The following SPTBN4 variants were observed in gnomAD, a reference collection of about 807,000 sequenced individuals.
The protein encoded by SPTBN4 is spectrin beta, non-erythrocytic 4.
Under a neutral mutation model 277.8 loss-of-function variants are expected in SPTBN4, and 96 were observed. The observed-to-expected ratio is 0.35, with a 90% CI of 0.29 to 0.41. The LOEUF (loss-of-function observed/expected upper bound fraction) is 0.41, where lower values mean the gene tolerates loss of function less well. SPTBN4 is among the 10% of genes least tolerant of loss of function. SPTBN4 has a pLI of 1.00. For synonymous variants in SPTBN4, 1,481 were observed against 1,580.3 expected (o/e 0.94, Z 1.49); for missense variants, 3,006 against 3,595.7 (o/e 0.84, Z 4.19).
At chr19:40,500,112 G>A (rs1441802394) in intron 7 of SPTBN4, among the ~76,000 whole-genome samples, 2 of 105,922 alleles carry the variant, frequency 1.9e-5, no homozygotes, top group East Asian at 2.3e-4. Context: ...AGGAGGCCAA[G>A]GCAGGAGGAT....
At chr19:40,529,278 G>C in intron 18 of SPTBN4, 147 bp downstream of exon 18, 1 of 708,402 alleles carries the variant, frequency 1.4e-6, no homozygotes. Flanking sequence ...GCGCGGAGCC[G>C]GGTCTCAGTG....
In SPTBN4 at chr19:40,560,209, T is replaced by A. The variant is rs2145941816; in HGVS notation, c.5721T>A (p.Gly1907=). 1 of 1,606,080 alleles carries A rather than the reference T, an allele frequency of 6.2e-7. No homozygotes were observed. The highest frequency in any genetic ancestry group is 2.2e-5 in the East Asian group (1 of 44,868). Residue 1907 remains glycine, a synonymous_variant, in exon 27 of 36, where the codon GGT becomes GGA. Coordinates refer to ENST00000598249, the MANE Select transcript of SPTBN4 (RefSeq NM_020971.3). The surrounding 1 kb of genome is among the most constrained non-coding windows in gnomAD (Gnocchi z 5.2). The stretch of plus-strand genomic sequence containing the variant: ...CCCAGCTGCGGACGGTGTATGCGGG[T>A]GAACATGCCGAGGCCATCGCTAGCC... The part of the protein sequence containing the change: ...GAAQLRTVYA[G]EHAEAIASRE...
intron 17 of SPTBN4, 38 bp from the exon 18 acceptor site, chr19:40,529,003 C>A: frequency 6.4e-7 from 1 of 1,573,016 alleles, no homozygotes; most frequent in Non-Finnish European, 8.7e-7. Context: ...ACCCCCCAAC[C>A]CGGGGCCTTT....
At position 40,467,054 on chromosome 19, in the gene SPTBN4, G is replaced by A. The variant is rs2079831582; in HGVS notation, c.-267G>A. 6.6e-6 allele frequency among the ~76,000 whole-genome samples: 1 copy of A among 150,994 alleles called. No individual in the cohort carries two copies. The highest frequency in any genetic ancestry group is 6.6e-5 in the Admixed American group (1 of 15,144). On this transcript the variant is annotated 5_prime_UTR_variant, in exon 1 of 36. Transcript: ENST00000598249. ...CCCCACGCCGCGGCCGGGTGTGACT[G>A]CGCGTGGGCCTCGGGCGGCGGGGCG...
chr19:40,491,916 G>T (rs1187056994), intron 4 of SPTBN4, among the ~76,000 whole-genome samples: 1 of 151,898 alleles, frequency 6.6e-6, no homozygotes, highest in Non-Finnish European at 1.5e-5. Context: ...CAGCTACTAG[G>T]GAGGCCAAGG....
chr19:40,492,869 A>T, intron 4 of SPTBN4, 94 bp from the exon 5 acceptor site: 1 of 1,110,026 alleles, frequency 9.0e-7, no homozygotes, highest in Non-Finnish European at 1.3e-6. Flanking sequence ...CTCCTCTGTC[A>T]CCTGCCACCT....
rs1599832335 is a variant in SPTBN4 at position 40,575,862 on chromosome 19, G to C, written c.*293G>C. 1.1e-5 allele frequency: 3 copies of C among 273,468 alleles called. No homozygotes were observed. In the East Asian group the frequency reaches 2.6e-4, roughly 23 times the overall value. The allele number at this position is 273,468 out of a possible 1,614,324, so 16.9% of individuals were successfully genotyped here. On this transcript the variant is annotated 3_prime_UTR_variant, in exon 36 of 36. Transcript: ENST00000598249. ...CTTGATGGGGGTGGGCAGGGGGCCA[G>C]TTGAGCCAAGCCCCCAGCCCCGATC...
intron 16 of SPTBN4, among the ~76,000 whole-genome samples, chr19:40,523,004 T>C (rs2080546291): frequency 6.6e-6 from 1 of 152,042 alleles, no homozygotes; most frequent in Non-Finnish European, 1.5e-5. Context: ...CATGGTGGTA[T>C]GCACCTGTAA....
rs768205803 is a variant in SPTBN4 at position 40,504,040 on chromosome 19, G to C, written c.1573G>C (p.Gly525Arg). The C allele has an allele frequency of 5.6e-6, 9 of 1,613,082 alleles. No individual in the cohort carries two copies. In the East Asian group the frequency reaches 1.6e-4, roughly 28 times the overall value. Residue 525 changes from glycine to arginine, a missense_variant, in exon 12 of 36, where the codon GGT (glycine) becomes CGT (arginine). Coordinates refer to ENST00000598249, the MANE Select transcript of SPTBN4 (RefSeq NM_020971.3). Reference protein sequence around the residue: ...RQWALLTGLVGARRTRLEQNL... With the variant: ...RQWALLTGLVRARRTRLEQNL... ...GTGGGCCCTGCTAACTGGGCTTGTG[G>C]GTGCCCGGCGGACACGACTTGAGCA...
In SPTBN4 at chr19:40,575,493, C is replaced by G; in HGVS notation, c.7619C>G (p.Pro2540Arg). ...ATCGCCCGCTGGGGCCAGACACTACCCACTACTTCATCCACAGATGAGGGC... is the reference window on the plus strand; with the variant it reads ...ATCGCCCGCTGGGGCCAGACACTACGCACTACTTCATCCACAGATGAGGGC... Reference protein sequence around the residue: ...AEIARWGQTLPTTSSTDEGNP... With the variant: ...AEIARWGQTLRTTSSTDEGNP... Residue 2540 changes from proline (P) to arginine (R), a missense_variant, in exon 36 of 36, where the codon CCC becomes CGC. Physicochemically the swap from Pro to Arg is moderately radical, Grantham distance 103. Coordinates refer to ENST00000598249, the MANE Select transcript of SPTBN4 (RefSeq NM_020971.3). 1.9e-6 allele frequency: 3 copies of G among 1,613,480 alleles called. No homozygotes were observed. Among genetic ancestry groups the G allele is most frequent in the Non-Finnish European group, 2.5e-6 (3 of 1,179,926 alleles).
intron 17 of SPTBN4, 133 bp downstream of exon 17, chr19:40,523,772 T>C (rs1164295525): frequency 3.0e-5 from 25 of 843,030 alleles, no homozygotes; most frequent in Non-Finnish European, 3.9e-5. Context: ...TTCCTATTTC[T>C]ATTTAATTCC....
intron 17 of SPTBN4, among the ~76,000 whole-genome samples, chr19:40,525,141 C>T (rs1258958739): frequency 6.6e-6 from 1 of 152,138 alleles, no homozygotes; most frequent in Non-Finnish European, 1.5e-5. Context: ...GTGCCACCCC[C>T]AGCCCCAGGA....
chr19:40,470,955 C>CTT (rs35396125), intron 1 of SPTBN4, among the ~76,000 whole-genome samples: 20 of 145,860 alleles, frequency 1.4e-4, no homozygotes, highest in South Asian at 8.7e-4. Flanking sequence ...ATTCTATCAC[C>CTT]TTTTTTTTTT....
intron 2 of SPTBN4, among the ~76,000 whole-genome samples, chr19:40,480,455 C>T (rs911593091): frequency 6.6e-6 from 1 of 152,008 alleles, no homozygotes; most frequent in East Asian, 1.9e-4. Context: ...TATGACAGCT[C>T]CAGAAAAGCA....
chr19:40,472,716 G>A lies in SPTBN4; in HGVS notation c.95G>A (p.Trp32Ter). The A allele has an allele frequency of 6.2e-7, 1 of 1,611,418 alleles. No individual in the cohort carries two copies. The highest frequency in any genetic ancestry group is 8.5e-7 in the Non-Finnish European group (1 of 1,178,942). The change falls in exon 2 of 36, where the codon TGG (tryptophan) becomes TAG (stop). Residue 32 changes from tryptophan to a stop codon, truncating the protein, a stop_gained. Coordinates refer to ENST00000598249, the MANE Select transcript of SPTBN4 (RefSeq NM_020971.3). LOFTEE classifies it high-confidence loss of function. ...AARWESPDRG[W>*]EREQPAASTA... The stretch of plus-strand genomic sequence containing the variant: ...CGCTGGGAGAGTCCGGATCGGGGCT[G>A]GGAGCGGGAGCAGCCGGCTGCGTCC...
intron 16 of SPTBN4, among the ~76,000 whole-genome samples, chr19:40,522,784 A>G (rs372091530): frequency 4.6e-5 from 7 of 152,330 alleles, no homozygotes; most frequent in African/African-American, 1.7e-4. Flanking sequence ...GGGAGGAGAG[A>G]GTAAACAAGT....
intron 7 of SPTBN4, 85 bp downstream of exon 7, chr19:40,497,689 C>A: frequency 9.3e-7 from 1 of 1,077,952 alleles, no homozygotes. Flanking sequence ...CCATCCCACC[C>A]CAGCACCATC....
chr19:40,505,554 G>A (rs2080316411), intron 12 of SPTBN4, among the ~76,000 whole-genome samples: 2 of 151,806 alleles, frequency 1.3e-5, no homozygotes, highest in Non-Finnish European at 2.9e-5. Flanking sequence ...TTAGCCGGGC[G>A]AAGTACATCT....
rs1197916511 is a variant in SPTBN4 at position 40,554,611 on chromosome 19, G to C, written c.5049G>C (p.Gln1683His). The C allele has an allele frequency of 1.9e-6, 3 of 1,573,956 alleles. No homozygotes were observed. The highest frequency in any genetic ancestry group is 2.6e-6 in the Non-Finnish European group (3 of 1,159,746). Residue 1683 changes from glutamine to histidine, a missense_variant, in exon 24 of 36, where the codon CAG becomes CAC. Gln to His is a conservative substitution (Grantham distance 24). Coordinates refer to ENST00000598249, the MANE Select transcript of SPTBN4 (RefSeq NM_020971.3). The surrounding 1 kb of genome is among the most constrained non-coding windows in gnomAD (Gnocchi z 5.7). ...YEESIAQLSRQCRALLEMGHP... is the reference protein window; with the variant it reads ...YEESIAQLSRHCRALLEMGHP... ...AAAGCATCGCGCAGCTGTCGCGCCAGTGCCGGGCGCTGCTGGAGATGGGGC... is the reference window on the plus strand; with the variant it reads ...AAAGCATCGCGCAGCTGTCGCGCCACTGCCGGGCGCTGCTGGAGATGGGGC...
Sources: allele counts gnomAD v4.1 joint callset (sites outside exome capture counted in the v4.1 genomes callset), GRCh38; gene constraint gnomAD v4.1.1; non-coding constraint Gnocchi (gnomAD v3.1); transcripts MANE v1.5; gene names NCBI Gene and HGNC (gene_info 2026-07-23, HGNC 2026-07-21).